The following CSMD3 variants were observed in gnomAD, a reference collection of about 807,000 sequenced individuals.
CSMD3 encodes CUB and sushi domain-containing protein 3.
In CSMD3, 177 loss-of-function variants were observed where a neutral mutation model predicts 435.2. The ratio of observed to expected loss-of-function variants is 0.41; its 90% CI spans 0.36 to 0.46. CSMD3 has a LOEUF of 0.46. Ranked by LOEUF, CSMD3 falls within the 20% of genes least tolerant of loss-of-function variation. The pLI is 0.34. For synonymous variants in CSMD3, 1,656 were observed against 1,520.5 expected, an observed-to-expected ratio of 1.09 and a Z score of -2.07; for missense variants, 4,265 against 4,504.6, an observed-to-expected ratio of 0.95 and a Z score of 1.52.
At chr8:112,277,396 C>T (rs1818172594) in intron 59 of CSMD3, among the ~76,000 whole-genome samples, 1 of 152,160 alleles carries the variant, frequency 6.6e-6, no homozygotes, top group South Asian at 2.1e-4. Flanking sequence ...CCAACAAGTT[C>T]CTCATCTCCA....
intron 13 of CSMD3, among the ~76,000 whole-genome samples, chr8:112,692,841 T>C (rs2076165532): frequency 6.6e-6 from 1 of 152,142 alleles, no homozygotes; most frequent in African/African-American, 2.4e-5. Flanking sequence ...AGTATATTAT[T>C]ATAATTCTTC....
chr8:112,230,497 G>A (rs1407322231), intron 69 of CSMD3, among the ~76,000 whole-genome samples: 1 of 152,020 alleles, frequency 6.6e-6, no homozygotes, highest in Non-Finnish European at 1.5e-5. Flanking sequence ...TTTTTAAAAA[G>A]TTCATTTTTG....
rs116309816 is a variant in CSMD3 at position 112,924,482 on chromosome 8, T to C, written c.1509-2731A>G. On this transcript the variant is annotated intron_variant, in intron 9 of 70. Coordinates refer to ENST00000297405, the MANE Select transcript of CSMD3 (RefSeq NM_198123.2). ...TTTGTCACAGATGATTATGATATTC[T>C]AGTTCTAACCAGGCTCTTCTTGCTA... Among the ~76,000 whole-genome samples, 290 of 152,260 alleles carry C rather than the reference T, an allele frequency of 1.9e-3. 1 individual carries two copies. The highest frequency in any genetic ancestry group is 6.5e-3 in the African/African-American group (272 of 41,570).
intron 36 of CSMD3, 112 bp downstream of exon 36, chr8:112,390,552 A>G (rs1027980170): frequency 1.2e-6 from 1 of 869,514 alleles, no homozygotes; most frequent in African/African-American, 1.7e-5. Context: ...CATTTCAACC[A>G]TGTCAGTCAA....
At chr8:112,508,341 T>C (rs1055628196) in intron 28 of CSMD3, among the ~76,000 whole-genome samples, 7 of 152,202 alleles carry the variant, frequency 4.6e-5, no homozygotes, top group African/African-American at 1.4e-4. Flanking sequence ...AGATAAGCTG[T>C]CTTTGTCACC....
chr8:112,283,372 C>G (rs987346440), intron 58 of CSMD3, among the ~76,000 whole-genome samples: 1 of 151,054 alleles, frequency 6.6e-6, no homozygotes, highest in African/African-American at 2.4e-5. Flanking sequence ...TTCCTTGTAT[C>G]AAAGTAATAA....
chr8:112,592,750 G>T (rs1831305225), intron 22 of CSMD3, among the ~76,000 whole-genome samples: 1 of 151,860 alleles, frequency 6.6e-6, no homozygotes, highest in Non-Finnish European at 1.5e-5. Flanking sequence ...ACTGTGCTCA[G>T]TTATTTATTA....
chr8:112,998,179 T>TTAAA lies in CSMD3; in HGVS notation c.1030+20884_1030+20887dup, dbSNP rs148898448. Among the ~76,000 whole-genome samples, 580 of 151,936 alleles carry TTAAA rather than the reference T, an allele frequency of 3.8e-3. 2 individuals are homozygous for TTAAA. Among genetic ancestry groups the TTAAA allele is most frequent in the African/African-American group, 0.013 (560 of 41,528 alleles). On this transcript the variant is annotated intron_variant, in intron 6 of 70. Transcript: ENST00000297405. ...ATAGCTATTATTCCTTGAGAATAAT[T>TTAAA]TAAATAAATAATGATTGTTTTAATG...
chr8:113,188,248 CT>C (rs1179980133), intron 3 of CSMD3, among the ~76,000 whole-genome samples: 6 of 151,940 alleles, frequency 3.9e-5, no homozygotes, highest in Non-Finnish European at 8.8e-5. Context: ...ATTCAATTGA[CT>C]TGTGACCATA....
At chr8:112,348,390 A>G (rs542743033) in intron 40 of CSMD3, among the ~76,000 whole-genome samples, 1 of 152,280 alleles carries the variant, frequency 6.6e-6, no homozygotes, top group Admixed American at 6.5e-5. Flanking sequence ...TTCCATCAAA[A>G]TATCTGGCAG....
chr8:113,321,597 A>C (rs186566848), intron 1 of CSMD3, among the ~76,000 whole-genome samples: 22 of 152,240 alleles, frequency 1.4e-4, no homozygotes, highest in Admixed American at 5.9e-4. Flanking sequence ...TCTTTCAAAA[A>C]TTTGCCTTTA....
At chr8:112,430,859 G>T (rs1288014106) in intron 32 of CSMD3, among the ~76,000 whole-genome samples, 1 of 151,038 alleles carries the variant, frequency 6.6e-6, no homozygotes, top group Non-Finnish European at 1.5e-5. Flanking sequence ...AGAGGGAAAA[G>T]GGATTTAATT....
chr8:112,827,550 C>T (rs1162894995), intron 12 of CSMD3, among the ~76,000 whole-genome samples: 1 of 152,020 alleles, frequency 6.6e-6, no homozygotes, highest in Admixed American at 6.6e-5. Flanking sequence ...CTCTAAAGTG[C>T]ATGTGATAGG....
intron 24 of CSMD3, among the ~76,000 whole-genome samples, chr8:112,571,874 A>T (rs79793886): frequency 7.2e-6 from 1 of 138,814 alleles, no homozygotes; most frequent in Non-Finnish European, 1.6e-5. Context: ...TGTCTCAAAT[A>T]AAAAAAAAAA....
At chr8:112,280,946 C>CCT (rs530182734) in intron 59 of CSMD3, among the ~76,000 whole-genome samples, 1 of 152,124 alleles carries the variant, frequency 6.6e-6, no homozygotes, top group South Asian at 2.1e-4. Context: ...CTTCCTCTGA[C>CCT]CTCTCTTTCT....
At chr8:113,355,707 T>G in intron 1 of CSMD3, among the ~76,000 whole-genome samples, 1 of 109,148 alleles carries the variant, frequency 9.2e-6, no homozygotes. Context: ...TAAATAACTC[T>G]TAAAAGTTTT....
At chr8:112,559,616 A>C (rs2131240730) in intron 24 of CSMD3, among the ~76,000 whole-genome samples, 1 of 151,952 alleles carries the variant, frequency 6.6e-6, no homozygotes, top group Admixed American at 6.6e-5. Context: ...GCATATTCAA[A>C]GTAAAGTTAA....
chr8:112,954,847 T>TTA lies in CSMD3; in HGVS notation c.1343-88_1343-87dup, dbSNP rs949159544. ...GTTAACAAATTTTGTTAGCATGGAC[T>TTA]TATGCAAGATAAAGAAACCACTTTC... On this transcript the variant is annotated intron_variant, in intron 7 of 70. Coordinates refer to ENST00000297405, the MANE Select transcript of CSMD3 (RefSeq NM_198123.2). The TTA allele has an allele frequency of 2.2e-5, 18 of 822,522 alleles. No individual in the cohort carries two copies. In the African/African-American group the frequency reaches 3.1e-4, roughly 14 times the overall value. The allele number at this position is 822,522 out of a possible 1,614,324, so 51.0% of individuals were successfully genotyped here.
chr8:112,288,838 T>C (rs546595853), intron 57 of CSMD3, among the ~76,000 whole-genome samples: 14 of 152,214 alleles, frequency 9.2e-5, no homozygotes, highest in Admixed American at 4.6e-4. Flanking sequence ...ATGTCACTTA[T>C]TAATATTAGG....
Sources: allele counts gnomAD v4.1 joint callset (sites outside exome capture counted in the v4.1 genomes callset), GRCh38; gene constraint gnomAD v4.1.1; transcripts MANE v1.5; gene names NCBI Gene and HGNC (gene_info 2026-07-23, HGNC 2026-07-21).